Variants in ZSCAN10 observed in about 807,000 individuals in gnomAD.
The protein encoded by ZSCAN10 is zinc finger and SCAN domain-containing protein 10.
Under a neutral mutation model 63.7 loss-of-function variants are expected in ZSCAN10, and 52 were observed. That is an observed-to-expected ratio of 0.82 (90% CI 0.65 to 1.03). ZSCAN10 has a LOEUF of 1.03. ZSCAN10 is among the 50% of genes least tolerant of loss of function. The pLI, the probability that ZSCAN10 is intolerant of heterozygous loss-of-function variation, is 0.00. For missense variants in ZSCAN10, 1,223 were observed against 1,103.8 expected, an observed-to-expected ratio of 1.11 and a Z score of -1.53; for synonymous variants, 544 against 479.6, an observed-to-expected ratio of 1.13 and a Z score of -1.76.
intron 5 of ZSCAN10, among the ~76,000 whole-genome samples, chr16:3,091,239 G>A (rs558166540): frequency 2.2e-4 from 34 of 152,230 alleles, no homozygotes; most frequent in African/African-American, 8.2e-4. Flanking sequence ...CTGAGCCCAG[G>A]AGGTCCCGGC....
At chr16:3,098,835 C>CTT (rs1489831827) in intron 1 of ZSCAN10, among the ~76,000 whole-genome samples, 4 of 152,224 alleles carry the variant, frequency 2.6e-5, no homozygotes, top group Non-Finnish European at 5.9e-5. Context: ...GGAACACTCC[C>CTT]TTTCTCCCTG....
chr16:3,089,162 C>G lies in ZSCAN10; in HGVS notation c.2272G>C (p.Gly758Arg). Residue 758 changes from glycine (G) to arginine (R), a missense_variant, in exon 6 of 6, where the codon GGC becomes CGC. Gly to Arg is a moderately radical substitution (Grantham distance 125). Coordinates refer to ENST00000576985, the MANE Select transcript of ZSCAN10 (RefSeq NM_032805.3). ...GARPYSCTQC[G>R]RSFSRNSHLL... is the part of the protein sequence containing the mutation. ...TGGGAGTTGCGGCTGAAGCTGCGGC[C>G]ACACTGCGTGCAGGAGTAGGGCCTG... 2 of 1,543,232 alleles carry G rather than the reference C, an allele frequency of 1.3e-6. No individual in the cohort carries two copies. The highest frequency in any genetic ancestry group is 1.7e-6 in the Non-Finnish European group (2 of 1,156,180).
chr16:3,096,860 C>T (rs933319476), intron 1 of ZSCAN10, among the ~76,000 whole-genome samples: 2 of 149,172 alleles, frequency 1.3e-5, no homozygotes, highest in Admixed American at 6.8e-5. Context: ...ACCTGGGAGG[C>T]GGAGGTTGCA....
At chr16:3,098,071 G>GAAAGA (rs1218026527) in intron 1 of ZSCAN10, among the ~76,000 whole-genome samples, 28 of 135,280 alleles carry the variant, frequency 2.1e-4, no homozygotes, top group African/African-American at 6.3e-4. Flanking sequence ...AAGAAAGAAA[G>GAAAGA]AAAGAAAAGA....
rs1345714956 is a variant in ZSCAN10, at chr16:3,089,883, G to C, written c.1551C>G (p.Ser517=). 5.2e-6 allele frequency: 8 copies of C among 1,536,194 alleles called. No homozygotes were observed. The East Asian group carries it at 2.0e-4, about 38-fold the overall frequency. Residue 517 remains serine, a synonymous_variant, in exon 6 of 6, where the codon TCC becomes TCG. Coordinates refer to ENST00000576985, the MANE Select transcript of ZSCAN10 (RefSeq NM_032805.3). ...CGCTGCACACGAAGGGCCTCCGGTC[G>C]GAGTCCCGGCGGCGGCTGCCGGAGC... ...SEGSGSRRRD[S]DRRPFVCSDC...
At chr16:3,096,560 A>G (rs1234618205) in intron 1 of ZSCAN10, 3 of 152,292 alleles carry the variant, frequency 2.0e-5, no homozygotes, top group Non-Finnish European at 4.4e-5. Flanking sequence ...GCACCGCAGC[A>G]AACAGTGACT....
At chr16:3,098,042 C>CAAAAAAAAAAAAAAAAAAAAAAA (rs371407228) in intron 1 of ZSCAN10, among the ~76,000 whole-genome samples, 1 of 44,458 alleles carries the variant, frequency 2.2e-5, no homozygotes, top group Non-Finnish European at 4.5e-5. Context: ...GACCCTGTCT[C>CAAAAAAAAAAAAAAAAAAAAAAA]AAAAAAAAAA....
intron 1 of ZSCAN10, among the ~76,000 whole-genome samples, chr16:3,098,084 AG>A (rs1314773840): frequency 6.0e-5 from 9 of 150,806 alleles, no homozygotes; most frequent in Non-Finnish European, 1.2e-4. Context: ...AGAAAAGAAA[AG>A]AAAAGAAAAA....
chr16:3,091,931 C>T (rs1264125833), intron 3 of ZSCAN10, 103 bp from the exon 4 acceptor site: 1 of 1,593,788 alleles, frequency 6.3e-7, no homozygotes, highest in Non-Finnish European at 8.6e-7. Context: ...CCTGTGAAGA[C>T]ACCTTGGCGC....
At chr16:3,095,488 G>A (rs1957141236) in intron 1 of ZSCAN10, among the ~76,000 whole-genome samples, 1 of 148,908 alleles carries the variant, frequency 6.7e-6, no homozygotes, top group Non-Finnish European at 1.5e-5. Flanking sequence ...CTGCACTCCA[G>A]CCTGGGCGAC....
intron 1 of ZSCAN10, chr16:3,093,288 G>A: frequency 5.8e-6 from 1 of 171,306 alleles, no homozygotes; most frequent in Non-Finnish European, 1.2e-5. Context: ...AGCACTTTGG[G>A]AGGCCGAGGC....
At chr16:3,090,678 G>T (rs1253858861) in intron 5 of ZSCAN10, 32 bp from the exon 6 acceptor site, 1 of 1,501,760 alleles carries the variant, frequency 6.7e-7, no homozygotes, top group South Asian at 1.3e-5. Flanking sequence ...GGACGGTCAG[G>T]CCTATTCCCA....
chr16:3,089,617 T>G lies in ZSCAN10; in HGVS notation c.1817A>C (p.His606Pro). Reference protein sequence around the residue: ...HLLTHGGPRPHHCTQCGKSFG... With the variant: ...HLLTHGGPRPPHCTQCGKSFG... The stretch of plus-strand genomic sequence containing the variant: ...ACTCTTCCCGCACTGGGTGCAGTGG[T>G]GGGGCCGAGGGCCACCGTGGGTCAG... Residue 606 changes from histidine to proline, a missense_variant, in exon 6 of 6, where the codon CAC (histidine) becomes CCC (proline). Coordinates refer to ENST00000576985, the MANE Select transcript of ZSCAN10 (RefSeq NM_032805.3). The G allele has an allele frequency of 6.3e-7, 1 of 1,585,018 alleles. No homozygotes were observed. Among genetic ancestry groups the G allele is most frequent in the Non-Finnish European group, 8.6e-7 (1 of 1,165,838 alleles).
chr16:3,089,832 G>T lies in ZSCAN10; in HGVS notation c.1602C>A (p.Ser534Arg), dbSNP rs762236567. ...CSDCGKAFRRSEHLVAHRRVH... is the reference protein window; with the variant it reads ...CSDCGKAFRRREHLVAHRRVH... Reference sequence around the variant, plus strand: ...CCCTCCGGTGGGCCACCAGGTGCTCGCTGCGCCGGAAGGCCTTGCCGCAGT... The same window carrying T: ...CCCTCCGGTGGGCCACCAGGTGCTCTCTGCGCCGGAAGGCCTTGCCGCAGT... Residue 534 changes from serine (S) to arginine (R), a missense_variant, in exon 6 of 6, where the codon AGC becomes AGA. Coordinates refer to ENST00000576985, the MANE Select transcript of ZSCAN10 (RefSeq NM_032805.3). 1.9e-6 allele frequency: 3 copies of T among 1,560,956 alleles called. No homozygotes were observed. Among genetic ancestry groups the T allele is most frequent in the Non-Finnish European group, 2.6e-6 (3 of 1,159,900 alleles).
intron 1 of ZSCAN10, among the ~76,000 whole-genome samples, chr16:3,095,345 G>A (rs992768921): frequency 7.9e-5 from 12 of 151,968 alleles, no homozygotes; most frequent in Non-Finnish European, 1.2e-4. Flanking sequence ...GTGAAACCCC[G>A]TCTCTACTAA....
chr16:3,089,985 C>G lies in ZSCAN10; in HGVS notation c.1449G>C (p.Gln483His). 1 of 1,551,530 alleles carries G rather than the reference C, an allele frequency of 6.4e-7. No homozygotes were observed. The highest frequency in any genetic ancestry group is 1.2e-5 in the South Asian group (1 of 85,898). The change falls in exon 6 of 6, where the codon CAG (glutamine) becomes CAC (histidine). Residue 483 changes from glutamine to histidine, a missense_variant. Physicochemically the swap from Gln to His is conservative, Grantham distance 24 (BLOSUM62 0). Transcript: ENST00000576985. ...LTDVLCSHCGQSFQRRSSLKR... is the reference protein window; with the variant it reads ...LTDVLCSHCGHSFQRRSSLKR... ...TGAGGCTGGAGCGGCGCTGGAAGCTCTGGCCGCAGTGGGAGCACAGGACAT... is the reference window on the plus strand; with the variant it reads ...TGAGGCTGGAGCGGCGCTGGAAGCTGTGGCCGCAGTGGGAGCACAGGACAT...
intron 1 of ZSCAN10, among the ~76,000 whole-genome samples, chr16:3,094,112 A>G (rs1187550532): frequency 6.6e-6 from 1 of 152,198 alleles, no homozygotes; most frequent in Non-Finnish European, 1.5e-5. Context: ...TGCTGGGCTC[A>G]AGTGATCCTC....
Position 3,089,988 on chromosome 16 carries a change from G to A in ZSCAN10, c.1446C>T (p.Gly482=). The A allele has an allele frequency of 6.4e-7, 1 of 1,553,238 alleles. No individual in the cohort carries two copies. The highest frequency in any genetic ancestry group is 8.7e-7 in the Non-Finnish European group (1 of 1,152,136). The change falls in exon 6 of 6, where the codon GGC becomes GGT. Residue 482 remains glycine (G), a synonymous_variant. Transcript: ENST00000576985. ...PLTDVLCSHC[G]QSFQRRSSLK... ...GGCTGGAGCGGCGCTGGAAGCTCTGGCCGCAGTGGGAGCACAGGACATCGG... is the reference window on the plus strand; with the variant it reads ...GGCTGGAGCGGCGCTGGAAGCTCTGACCGCAGTGGGAGCACAGGACATCGG...
chr16:3,090,734 GAA>G, intron 5 of ZSCAN10, 88 bp from the exon 6 acceptor site: 1 of 1,412,526 alleles, frequency 7.1e-7, no homozygotes, highest in East Asian at 2.5e-5. Context: ...GAAGTGGAAA[GAA>G]ACCCAGGATC....
Sources: allele counts gnomAD v4.1 joint callset (sites outside exome capture counted in the v4.1 genomes callset), GRCh38; gene constraint gnomAD v4.1.1; transcripts MANE v1.5; gene names NCBI Gene and HGNC (gene_info 2026-07-23, HGNC 2026-07-21).